CDH3: variants seen among roughly 807,000 people sequenced by gnomAD.
The protein encoded by CDH3 is cadherin 3, also known as cadherin-3.
CDH3 carries 54 observed loss-of-function variants against 82.0 expected under a neutral mutation model. That is an observed-to-expected ratio of 0.66 (90% confidence interval 0.53 to 0.83). The LOEUF (loss-of-function observed/expected upper bound fraction) is 0.83. CDH3 is among the 40% of genes least tolerant of loss of function. CDH3 has a pLI of 0.00. For missense variants in CDH3, 1,054 were observed against 1,084.6 expected (o/e 0.97, Z 0.40); for synonymous variants, 446 against 437.9 (o/e 1.02, Z -0.23).
intron 15 of CDH3, chr16:68,696,853 A>G (rs772542895): frequency 6.6e-6 from 1 of 152,178 alleles, no homozygotes; most frequent in Non-Finnish European, 1.5e-5. Context: ...CTTATCACAC[A>G]TACTACTCCC....
chr16:68,705,168 T>A (rs1165267600), downstream of CDH3, among the ~76,000 whole-genome samples: 1 of 152,176 alleles, frequency 6.6e-6, no homozygotes, highest in Non-Finnish European at 1.5e-5. Flanking sequence ...GGGCTCTTTT[T>A]ACAATTAAGG....
rs557485973 is a variant in CDH3, at chr16:68,666,629, G to C, written c.161-9756G>C. 3.3e-5 allele frequency among the ~76,000 whole-genome samples: 5 copies of C among 152,290 alleles called. No homozygotes were observed. In the South Asian group the frequency reaches 1.0e-3, roughly 32 times the overall value. On this transcript the variant is annotated intron_variant, in intron 2 of 15. Coordinates refer to ENST00000264012, the MANE Select transcript of CDH3 (RefSeq NM_001793.6). ...TGTGCGTGGAAAATACTTGGTGACG[G>C]AGAGAGGCAGACCACAGCCTTGGCA...
downstream of CDH3, among the ~76,000 whole-genome samples, chr16:68,731,368 CAAAAAAAAAA>C (rs869074059): frequency 0.025 from 58 of 2,276 alleles, 4 homozygotes; most frequent in African/African-American, 0.1. Context: ...AACTCCGTCT[CAAAAAAAAAA>C]AAAAAAAAAA....
At chr16:68,700,308 TA>T (rs571547454), downstream of CDH3, 168 of 152,348 alleles carry the variant, frequency 1.1e-3, no homozygotes, top group African/African-American at 3.5e-3. Context: ...ACTAATTCTG[TA>T]AAGCGTCTCT....
At chr16:68,718,119 C>T (rs1440880464) in intron 1 of CDH3, among the ~76,000 whole-genome samples, 1 of 152,052 alleles carries the variant, frequency 6.6e-6, no homozygotes, top group East Asian at 1.9e-4. Flanking sequence ...AGTGATCCTC[C>T]TACCTCAGCC....
downstream of CDH3, among the ~76,000 whole-genome samples, chr16:68,731,624 C>T (rs1962295069): frequency 2.0e-5 from 3 of 148,646 alleles, no homozygotes; most frequent in South Asian, 6.5e-4. Flanking sequence ...ATTGTTTGAG[C>T]TCAGGAGTTT....
In CDH3 at chr16:68,718,036, C is replaced by A. The variant is rs931570718; in HGVS notation, c.100-4389C>A. Reference sequence around the variant, plus strand: ...ATTCTGTTGCCCAGGCTGGAGTTGCCCAGGCTGGAGTTGCCCAGACTGGAG... The same window carrying A: ...ATTCTGTTGCCCAGGCTGGAGTTGCACAGGCTGGAGTTGCCCAGACTGGAG... On this transcript the variant is annotated intron_variant, in intron 1 of 2. Coordinates refer to the CDH3 transcript ENST00000569080. Among the ~76,000 whole-genome samples, 9 of 151,798 alleles carry A rather than the reference C, an allele frequency of 5.9e-5. 1 individual carries two copies. Among genetic ancestry groups the A allele is most frequent in the African/African-American group, 2.2e-4 (9 of 41,398 alleles).
intron 13 of CDH3, among the ~76,000 whole-genome samples, chr16:68,692,574 G>A (rs1169358175): frequency 1.3e-5 from 2 of 152,188 alleles, no homozygotes; most frequent in Non-Finnish European, 2.9e-5. Context: ...CAGACTTACT[G>A]ATTCAGAAAT....
rs927787109 is a variant in CDH3 at position 68,677,855 on chromosome 16, A to G, written c.247-279A>G. Reference sequence around the variant, plus strand: ...AGATGGATGTGCTGTAGTATATTTCACTGGTCCTCCTGTATAAGTAAACAC... The same window carrying G: ...AGATGGATGTGCTGTAGTATATTTCGCTGGTCCTCCTGTATAAGTAAACAC... On this transcript the variant is annotated intron_variant, in intron 3 of 15. Coordinates refer to ENST00000264012, the MANE Select transcript of CDH3 (RefSeq NM_001793.6). Among the ~76,000 whole-genome samples the G allele has an allele frequency of 9.2e-5, 14 of 152,134 alleles. No individual in the cohort carries two copies. The East Asian group carries it at 2.3e-3, about 25-fold the overall frequency.
At chr16:68,725,890 C>T (rs1486056947) in intron 2 of CDH3, among the ~76,000 whole-genome samples, 1 of 151,106 alleles carries the variant, frequency 6.6e-6, no homozygotes, top group Non-Finnish European at 1.5e-5. Context: ...ACTGTCTCTA[C>T]AAAAAAATAC....
chr16:68,653,942 C>T (rs1333295161), intron 2 of CDH3, among the ~76,000 whole-genome samples: 1 of 151,948 alleles, frequency 6.6e-6, no homozygotes, highest in African/African-American at 2.4e-5. Flanking sequence ...TGGTCTCGAT[C>T]TCCTGACCTC....
downstream of CDH3, among the ~76,000 whole-genome samples, chr16:68,731,063 T>A (rs12444624): frequency 2.8e-5 from 3 of 108,322 alleles, no homozygotes; most frequent in Non-Finnish European, 5.5e-5. Context: ...TATATATATA[T>A]ATATATATAT....
chr16:68,691,718 A>G lies in CDH3; in HGVS notation c.1796-2A>G, dbSNP rs757728994. 14 of 1,612,216 alleles carry G rather than the reference A, an allele frequency of 8.7e-6. No individual in the cohort carries two copies. In the South Asian group the frequency reaches 1.4e-4, roughly 16 times the overall value. ...AGCTAATCAATGATCTGTTCACTCC[A>G]GGTGACACAGTGGTCTTGTCCCTGA... On this transcript the variant is annotated splice_acceptor_variant, in intron 12 of 15. Transcript: ENST00000264012. LOFTEE classifies it high-confidence loss of function.
rs1467914605 is a variant in CDH3, at chr16:68,645,340, C to T, written c.-40C>T. ...GGCAAGAGCTGAGCGGAACACCGGC[C>T]CGCCGTCGCGGCAGCTGCTTCACCC... On this transcript the variant is annotated 5_prime_UTR_variant, in exon 1 of 16. Transcript: ENST00000264012. 4 of 1,607,276 alleles carry T rather than the reference C, an allele frequency of 2.5e-6. No individual in the cohort carries two copies. In the South Asian group the frequency reaches 3.3e-5, roughly 13 times the overall value.
At chr16:68,727,636 C>T (rs1204091969), downstream of CDH3, among the ~76,000 whole-genome samples, 2 of 152,182 alleles carry the variant, frequency 1.3e-5, no homozygotes, top group South Asian at 2.1e-4. Flanking sequence ...GGGCTCGGTG[C>T]GGTGGCTCAT....
intron 2 of CDH3, among the ~76,000 whole-genome samples, chr16:68,726,704 G>A (rs567295681): frequency 1.6e-4 from 24 of 150,712 alleles, no homozygotes; most frequent in South Asian, 6.3e-4. Flanking sequence ...TCAGCCTCCT[G>A]AGTAGCTGGG....
intron 2 of CDH3, among the ~76,000 whole-genome samples, chr16:68,723,870 C>A (rs1372859384): frequency 6.6e-6 from 1 of 152,122 alleles, no homozygotes; most frequent in East Asian, 1.9e-4. Flanking sequence ...GAGATCGAGA[C>A]CATCCCGGCT....
chr16:68,647,252 G>A (rs565799839), intron 2 of CDH3, among the ~76,000 whole-genome samples: 258 of 148,196 alleles, frequency 1.7e-3, no homozygotes, highest in Middle Eastern at 3.4e-3. Context: ...CCAAATCTAC[G>A]CCCCCTCCCC....
At chr16:68,724,037 C>A (rs1245729091) in intron 2 of CDH3, among the ~76,000 whole-genome samples, 1 of 149,088 alleles carries the variant, frequency 6.7e-6, no homozygotes, top group East Asian at 2.0e-4. Context: ...CCACTGCACT[C>A]CAGCCTGGGC....
Sources: allele counts gnomAD v4.1 joint callset (sites outside exome capture counted in the v4.1 genomes callset), GRCh38; gene constraint gnomAD v4.1.1; transcripts MANE v1.5; gene names NCBI Gene and HGNC (gene_info 2026-07-23, HGNC 2026-07-21).